LEPR: variants seen among roughly 807,000 people sequenced by gnomAD.
The protein encoded by LEPR is leptin receptor.
LEPR carries 56 observed loss-of-function variants against 114.7 expected under a neutral mutation model. That is an observed-to-expected ratio of 0.49 (90% CI 0.39 to 0.61). The LOEUF is 0.61. LEPR is among the 20% of genes least tolerant of loss of function. LEPR has a pLI of 0.00. For missense variants in LEPR, 1,202 were observed against 1,352.9 expected, an observed-to-expected ratio of 0.89 and a Z score of 1.75; for synonymous variants, 443 against 461.4, an observed-to-expected ratio of 0.96 and a Z score of 0.51.
chr1:65,544,736 T>C (rs758878237), intron 2 of LEPR, among the ~76,000 whole-genome samples: 2 of 151,618 alleles, frequency 1.3e-5, no homozygotes, highest in Admixed American at 1.3e-4. Flanking sequence ...TAGAATATTA[T>C]TCAGCCTTAA....
At chr1:65,427,841 G>T (rs539921605) in intron 2 of LEPR, 2 of 362,760 alleles carry the variant, frequency 5.5e-6, no homozygotes, top group East Asian at 1.7e-4. Flanking sequence ...GAGTCTCTCT[G>T]TGTTGCTCAG....
At chr1:65,570,322 G>A in intron 3 of LEPR, 151 bp from the exon 4 acceptor site, 1 of 702,374 alleles carries the variant, frequency 1.4e-6, no homozygotes, top group South Asian at 2.0e-5. Flanking sequence ...ATTGTACAAT[G>A]GAAGCACAAA....
chr1:65,635,465 T>A (rs1658685232), intron 19 of LEPR: 5 of 749,466 alleles, frequency 6.7e-6, no homozygotes, highest in Non-Finnish European at 6.5e-6. Flanking sequence ...CACATGTCCA[T>A]AGTAAATATT....
intron 19 of LEPR, chr1:65,634,452 G>A (rs1658641809): frequency 1.0e-6 from 1 of 963,456 alleles, no homozygotes; most frequent in African/African-American, 1.8e-5. Context: ...CTTAAAAAAA[G>A]ATGCATATAG....
chr1:65,549,326 T>C (rs2100706841), intron 2 of LEPR, among the ~76,000 whole-genome samples: 1 of 151,068 alleles, frequency 6.6e-6, no homozygotes, highest in African/African-American at 2.4e-5. Flanking sequence ...TGTGGCGTTC[T>C]CTGTATTTCC....
intron 15 of LEPR, 107 bp from the exon 16 acceptor site, chr1:65,617,857 T>G (rs920781063): frequency 6.3e-6 from 7 of 1,108,630 alleles, no homozygotes; most frequent in Admixed American, 5.4e-5. Flanking sequence ...GTAAATTGTC[T>G]GTCTTCTCTT....
In LEPR at chr1:65,618,124, T is replaced by G. The variant is rs1411513672; in HGVS notation, c.2373T>G (p.Ser791=). 1.9e-6 allele frequency: 3 copies of G among 1,608,704 alleles called. No homozygotes were observed. Among genetic ancestry groups the G allele is most frequent in the South Asian group, 1.1e-5 (1 of 90,668 alleles). Residue 791 remains serine, a synonymous_variant, in exon 16 of 20, where the codon TCT becomes TCG. Coordinates refer to ENST00000349533, the MANE Select transcript of LEPR (RefSeq NM_002303.6). ...GEIKWLRISS[S]VKKYYIHDHF... ...TAAAATGGCTTAGAATCTCTTCATC[T>G]GTTAAGAAGTATTATATCCATGGTA...
At chr1:65,442,151 A>G (rs1646657429) in intron 2 of LEPR, among the ~76,000 whole-genome samples, 2 of 152,104 alleles carry the variant, frequency 1.3e-5, no homozygotes, top group Admixed American at 1.3e-4. Context: ...CTGCTATATG[A>G]GACTTAAGCC....
At position 65,486,177 on chromosome 1, in the gene LEPR, C is replaced by T. The variant is rs141392471; in HGVS notation, c.-21+60799C>T. The stretch of plus-strand genomic sequence containing the variant: ...CAACTTTCATTCTCTGATGTGAGTT[C>T]TGCCTTTGAAAGCAGAACAGAATAG... On this transcript the variant is annotated intron_variant, in intron 2 of 19. Transcript: ENST00000349533. 4.0e-4 allele frequency among the ~76,000 whole-genome samples: 61 copies of T among 152,216 alleles called. 1 individual carries two copies. Among genetic ancestry groups the T allele is most frequent in the African/African-American group, 1.4e-3 (57 of 41,536 alleles).
At chr1:65,558,603 G>C (rs1320079640) in intron 2 of LEPR, among the ~76,000 whole-genome samples, 4 of 59,916 alleles carry the variant, frequency 6.7e-5, no homozygotes, top group South Asian at 7.2e-4. Context: ...CATTGTGCAG[G>C]TTAGTTACAT....
At chr1:65,512,616 A>T (rs932141193) in intron 2 of LEPR, among the ~76,000 whole-genome samples, 4 of 152,162 alleles carry the variant, frequency 2.6e-5, no homozygotes, top group South Asian at 2.1e-4. Context: ...TTTGGCATGG[A>T]TCCATGTAGA....
At chr1:65,466,361 C>G (rs1024103170) in intron 2 of LEPR, among the ~76,000 whole-genome samples, 1 of 152,174 alleles carries the variant, frequency 6.6e-6, no homozygotes, top group Non-Finnish European at 1.5e-5. Flanking sequence ...CCCCCACTCT[C>G]TTTTGGCTTG....
chr1:65,452,048 T>C (rs989316680), intron 2 of LEPR, among the ~76,000 whole-genome samples: 1 of 151,746 alleles, frequency 6.6e-6, no homozygotes, highest in Admixed American at 6.6e-5. Context: ...CAATTGTGAA[T>C]GGGAGTTCAC....
At position 65,606,868 on chromosome 1, in the gene LEPR, G is replaced by T. The variant is rs374033720; in HGVS notation, c.1603+1631G>T. On this transcript the variant is annotated intron_variant, in intron 11 of 19. Coordinates refer to ENST00000349533, the MANE Select transcript of LEPR (RefSeq NM_002303.6). ...TGATAAACTTTACATGACGGAAAAA[G>T]TTTAGGTATTTTTGTTATCAACAGT... is the stretch of plus-strand genomic sequence containing the variant. Among the ~76,000 whole-genome samples, 530 of 152,222 alleles carry T rather than the reference G, an allele frequency of 3.5e-3. 3 individuals are homozygous for T. Among genetic ancestry groups the T allele is most frequent in the African/African-American group, 0.012 (505 of 41,546 alleles).
intron 2 of LEPR, chr1:65,432,018 G>T: frequency 6.8e-7 from 1 of 1,470,370 alleles, no homozygotes; most frequent in Non-Finnish European, 9.0e-7. Flanking sequence ...AATATGCTGG[G>T]TTTTTTAATA....
At chr1:65,446,052 A>G (rs1646710030) in intron 2 of LEPR, among the ~76,000 whole-genome samples, 1 of 152,210 alleles carries the variant, frequency 6.6e-6, no homozygotes, top group African/African-American at 2.4e-5. Flanking sequence ...GACCAGAGAT[A>G]TTATTAGTTG....
At chr1:65,442,741 A>G (rs1015553550) in intron 2 of LEPR, among the ~76,000 whole-genome samples, 2 of 152,220 alleles carry the variant, frequency 1.3e-5, no homozygotes, top group African/African-American at 4.8e-5. Context: ...AAATAAAGCA[A>G]TGCCTTCCCT....
At chr1:65,565,944 A>G (rs541054592) in intron 3 of LEPR, among the ~76,000 whole-genome samples, 1 of 152,168 alleles carries the variant, frequency 6.6e-6, no homozygotes, top group Admixed American at 6.5e-5. Flanking sequence ...TGGTCTGTAC[A>G]TGTTGTTCTG....
intron 2 of LEPR, among the ~76,000 whole-genome samples, chr1:65,522,734 C>A (rs1355205278): frequency 6.6e-6 from 1 of 152,058 alleles, no homozygotes; most frequent in Non-Finnish European, 1.5e-5. Context: ...TTGTTCCCAG[C>A]AGGATCTGTA....
Sources: gnomAD v4.1 joint callset for allele counts (sites outside exome capture counted in the v4.1 genomes callset) on GRCh38, gnomAD v4.1.1 for gene constraint, MANE v1.5 for transcripts, NCBI Gene and HGNC (gene_info 2026-07-23, HGNC 2026-07-21) for gene names.